Variants in CCDC178 observed in about 807,000 individuals in gnomAD.
CCDC178 encodes coiled-coil domain-containing protein 178.
A neutral mutation model predicts 117.4 loss-of-function variants in CCDC178; 126 were observed. That is an observed-to-expected ratio of 1.07 (90% confidence interval 0.93 to 1.24). The LOEUF (loss-of-function observed/expected upper bound fraction) is 1.24, where lower values mean the gene tolerates loss of function less well. CCDC178 is among the 50% of genes most tolerant of loss of function. The pLI, the probability that CCDC178 is intolerant of heterozygous loss-of-function variation, is 0.00. For missense variants in CCDC178, 1,030 were observed against 986.9 expected, an observed-to-expected ratio of 1.04 and a Z score of -0.59; for synonymous variants, 283 against 313.4, an observed-to-expected ratio of 0.90 and a Z score of 1.02.
intron 21 of CCDC178, among the ~76,000 whole-genome samples, chr18:32,981,935 GA>G (rs1330383249): frequency 6.6e-6 from 1 of 152,068 alleles, no homozygotes; most frequent in African/African-American, 2.4e-5. Flanking sequence ...ATGAGAATTT[GA>G]ATTTGCTAGT....
intron 5 of CCDC178, among the ~76,000 whole-genome samples, chr18:33,386,123 C>T (rs1323801731): frequency 6.6e-6 from 1 of 152,150 alleles, no homozygotes; most frequent in African/African-American, 2.4e-5. Flanking sequence ...TTCCTGGACA[C>T]ATACACCCTC....
chr18:32,946,153 C>G (rs1429948645), intron 22 of CCDC178, among the ~76,000 whole-genome samples: 1 of 152,150 alleles, frequency 6.6e-6, no homozygotes, highest in Non-Finnish European at 1.5e-5. Flanking sequence ...TCTAGGGAGG[C>G]TCTGTGCTCA....
rs568661194 is a variant in CCDC178, at chr18:33,264,877, T to C, written c.1409+2039A>G. ...TACTATGTGAGTGAGAAATCAACCT[T>C]TTTATTTTGAGTCACTAAGATTTGG... On this transcript the variant is annotated intron_variant, in intron 14 of 22. Coordinates refer to ENST00000383096, the MANE Select transcript of CCDC178 (RefSeq NM_001105528.4). 5.3e-5 allele frequency among the ~76,000 whole-genome samples: 8 copies of C among 152,194 alleles called. No individual in the cohort carries two copies. The East Asian group carries it at 1.5e-3, about 29-fold the overall frequency.
intron 5 of CCDC178, among the ~76,000 whole-genome samples, chr18:33,385,081 ATAGAC>A (rs1369244246): frequency 6.6e-6 from 1 of 152,202 alleles, no homozygotes; most frequent in Admixed American, 6.5e-5. Flanking sequence ...TTCTGAAAAA[ATAGAC>A]TTTAAATCAA....
chr18:32,948,639 C>G (rs1469022789), intron 22 of CCDC178, among the ~76,000 whole-genome samples: 2 of 152,176 alleles, frequency 1.3e-5, no homozygotes, highest in African/African-American at 2.4e-5. Context: ...GATATTATAT[C>G]ATTTAAAAAA....
At chr18:33,359,804 G>A (rs1031341389) in intron 6 of CCDC178, among the ~76,000 whole-genome samples, 1 of 151,332 alleles carries the variant, frequency 6.6e-6, no homozygotes, top group African/African-American at 2.4e-5. Flanking sequence ...ATTCGATGTA[G>A]TTTAAAATAT....
At chr18:33,409,387 A>G (rs563209961) in intron 3 of CCDC178, among the ~76,000 whole-genome samples, 1 of 152,272 alleles carries the variant, frequency 6.6e-6, no homozygotes, top group Non-Finnish European at 1.5e-5. Flanking sequence ...GCCTGGCCCC[A>G]TTAATTATTT....
chr18:33,171,421 C>G (rs1161635541), intron 20 of CCDC178, among the ~76,000 whole-genome samples: 1 of 152,194 alleles, frequency 6.6e-6, no homozygotes, highest in Non-Finnish European at 1.5e-5. Flanking sequence ...TGAGCTTCAT[C>G]AGAGCCATTT....
chr18:33,026,379 A>G (rs1473344948), intron 21 of CCDC178, among the ~76,000 whole-genome samples: 1 of 152,074 alleles, frequency 6.6e-6, no homozygotes, highest in Non-Finnish European at 1.5e-5. Flanking sequence ...AATACACAAA[A>G]TCTTTCTGCA....
chr18:33,147,390 T>C (rs369726060), intron 20 of CCDC178, among the ~76,000 whole-genome samples: 16 of 147,484 alleles, frequency 1.1e-4, no homozygotes, highest in African/African-American at 4.1e-4. Context: ...TTAGTATTTA[T>C]TGATCATTCT....
intron 18 of CCDC178, among the ~76,000 whole-genome samples, chr18:33,222,383 C>T (rs73421438): frequency 0.011 from 1,633 of 151,740 alleles, 28 homozygotes; most frequent in African/African-American, 0.037. Context: ...TACAACAAAA[C>T]GCCTTAGAAT....
chr18:33,049,382 A>G (rs1259703183), intron 21 of CCDC178, among the ~76,000 whole-genome samples: 1 of 152,170 alleles, frequency 6.6e-6, no homozygotes, highest in East Asian at 1.9e-4. Context: ...GGACAAATAC[A>G]TCTGCATTTG....
chr18:33,186,663 A>T (rs1417902189), intron 20 of CCDC178, among the ~76,000 whole-genome samples: 2 of 151,990 alleles, frequency 1.3e-5, no homozygotes, highest in Admixed American at 6.6e-5. Context: ...CTTTCAGCGC[A>T]TCCTCGTGAA....
At chr18:33,119,033 T>C (rs2057898890) in intron 20 of CCDC178, among the ~76,000 whole-genome samples, 1 of 152,086 alleles carries the variant, frequency 6.6e-6, no homozygotes, top group Non-Finnish European at 1.5e-5. Context: ...ATACAAAAAT[T>C]AATTAAAGAT....
chr18:33,357,168 C>T (rs554518347), intron 6 of CCDC178, among the ~76,000 whole-genome samples: 1 of 152,194 alleles, frequency 6.6e-6, no homozygotes, highest in Admixed American at 6.6e-5. Context: ...TGATTTATGT[C>T]TTTCCCTGTA....
At chr18:33,335,860 T>C (rs992882968) in intron 9 of CCDC178, among the ~76,000 whole-genome samples, 7 of 152,102 alleles carry the variant, frequency 4.6e-5, no homozygotes, top group African/African-American at 1.4e-4. Context: ...TTCATACCCA[T>C]TGAACCTGTA....
intron 15 of CCDC178, among the ~76,000 whole-genome samples, chr18:33,235,816 C>A (rs959998337): frequency 2.0e-5 from 3 of 152,166 alleles, no homozygotes; most frequent in African/African-American, 7.2e-5. Context: ...GTTTTCTGTT[C>A]ATTCCATCAA....
chr18:33,398,786 G>GT (rs2063672985), intron 3 of CCDC178, among the ~76,000 whole-genome samples: 2 of 152,098 alleles, frequency 1.3e-5, no homozygotes, highest in Non-Finnish European at 2.9e-5. Context: ...CATACAAAGT[G>GT]TTTGGTCTCC....
intron 12 of CCDC178, among the ~76,000 whole-genome samples, chr18:33,268,582 C>T (rs1273767847): frequency 1.3e-5 from 2 of 151,500 alleles, no homozygotes; most frequent in South Asian, 2.1e-4. Flanking sequence ...GTCACCTTGC[C>T]GAGTAAACCA....
Sources: gnomAD v4.1 joint callset for allele counts (sites outside exome capture counted in the v4.1 genomes callset) on GRCh38, gnomAD v4.1.1 for gene constraint, MANE v1.5 for transcripts, NCBI Gene and HGNC (gene_info 2026-07-23, HGNC 2026-07-21) for gene names.